OR2C1: variants seen among roughly 807,000 people sequenced by gnomAD.
OR2C1 encodes the protein olfactory receptor family 2 subfamily C member 1, also known as olfactory receptor 2C1.
For synonymous variants in OR2C1, 209 were observed against 167.3 expected (o/e 1.25, Z -1.92); for missense variants, 468 against 388.3 (o/e 1.21, Z -1.73).
At chr16:3,337,874 T>C in the OR2C1 span, among the ~76,000 whole-genome samples, 2 of 152,196 alleles carry the variant, frequency 1.3e-5, no homozygotes, top group Non-Finnish European at 2.9e-5. Flanking sequence ...CTGGCTTGCT[T>C]TGATTTTCAT....
At chr16:3,332,245 T>A in the OR2C1 span, among the ~76,000 whole-genome samples, 3 of 151,612 alleles carry the variant, frequency 2.0e-5, no homozygotes, top group Non-Finnish European at 2.9e-5. Context: ...ATTAAAAAAA[T>A]AAATAAATAA....
In OR2C1 at chr16:3,357,159, GTCT is replaced by G; in HGVS notation, c.*281_*283del. 1 of 358,402 alleles carries G rather than the reference GTCT, an allele frequency of 2.8e-6. No homozygotes were observed. Among genetic ancestry groups the G allele is most frequent in the East Asian group, 5.2e-5 (1 of 19,110 alleles). 22.2% of individuals were successfully genotyped at this position (358,402 alleles called of 1,614,324 possible). On this transcript the variant is annotated 3_prime_UTR_variant, in exon 1 of 1. Coordinates refer to ENST00000304936, the MANE Select transcript of OR2C1 (RefSeq NM_012368.3). ...TGACCTGTGACAGACCTGTCTCACT[GTCT>G]CTGTCTCTGTTGCCCACATGTTATT...
At chr16:3,352,068 G>A (rs906776579), upstream of OR2C1, among the ~76,000 whole-genome samples, 4 of 151,916 alleles carry the variant, frequency 2.6e-5, no homozygotes, top group African/African-American at 9.7e-5. Context: ...TCCCTTCCGA[G>A]TGGCCTAGAT....
the OR2C1 span, among the ~76,000 whole-genome samples, chr16:3,328,296 A>G: frequency 3.3e-5 from 5 of 152,214 alleles, no homozygotes; most frequent in Non-Finnish European, 5.9e-5. Context: ...TGCAACCAGA[A>G]TTCCTCGTGC....
chr16:3,343,479 C>T, the OR2C1 span, among the ~76,000 whole-genome samples: 3 of 152,176 alleles, frequency 2.0e-5, no homozygotes, highest in Admixed American at 1.3e-4. Flanking sequence ...TGGCCGGGCG[C>T]GGTGGCTCAC....
chr16:3,333,308 G>T, the OR2C1 span, among the ~76,000 whole-genome samples: 2 of 131,126 alleles, frequency 1.5e-5, no homozygotes, highest in African/African-American at 5.6e-5. Context: ...CAGAGGGAGA[G>T]TTTACAAATA....
upstream of OR2C1, among the ~76,000 whole-genome samples, chr16:3,351,864 T>C (rs546971331): frequency 1.6e-4 from 24 of 151,554 alleles, no homozygotes; most frequent in Admixed American, 1.4e-3. Flanking sequence ...TGTACTTATT[T>C]GATGTATTGC....
At chr16:3,323,549 T>TG in the OR2C1 span, 2 of 753,864 alleles carry the variant, frequency 2.7e-6, no homozygotes, top group Non-Finnish European at 4.8e-6. Flanking sequence ...TTTTAGGTTC[T>TG]GGGGGGTGAC....
chr16:3,332,601 T>A, the OR2C1 span, among the ~76,000 whole-genome samples: 1 of 152,132 alleles, frequency 6.6e-6, no homozygotes, highest in African/African-American at 2.4e-5. Flanking sequence ...AAACGTGTGA[T>A]ATTTGTGTTT....
At chr16:3,336,707 TC>T in the OR2C1 span, among the ~76,000 whole-genome samples, 311 of 66,642 alleles carry the variant, frequency 4.7e-3, 5 homozygotes, top group African/African-American at 0.015. Context: ...TTTCTTTCTT[TC>T]TTTCTTTTTT....
chr16:3,345,457 G>C, the OR2C1 span, among the ~76,000 whole-genome samples: 5 of 150,328 alleles, frequency 3.3e-5, no homozygotes, highest in Non-Finnish European at 5.9e-5. Flanking sequence ...CTGCACTCCA[G>C]CCTGGGTGAC....
At chr16:3,330,175 C>T in the OR2C1 span, among the ~76,000 whole-genome samples, 51 of 150,484 alleles carry the variant, frequency 3.4e-4, no homozygotes, top group Non-Finnish European at 7.1e-4. Context: ...GGTGAGATCT[C>T]GGCCCACTGC....
chr16:3,345,479 C>A, the OR2C1 span, among the ~76,000 whole-genome samples: 1 of 80,364 alleles, frequency 1.2e-5, no homozygotes, highest in Non-Finnish European at 2.4e-5. Flanking sequence ...GAGTGAGACT[C>A]TGTCTCAAAA....
chr16:3,345,309 C>A, the OR2C1 span, among the ~76,000 whole-genome samples: 24 of 151,906 alleles, frequency 1.6e-4, no homozygotes, highest in African/African-American at 5.6e-4. Context: ...ATGGTGAAAC[C>A]CCGTCTCTAC....
chr16:3,347,837 T>A, the OR2C1 span, among the ~76,000 whole-genome samples: 1 of 51,418 alleles, frequency 1.9e-5, no homozygotes, highest in African/African-American at 4.0e-5. Context: ...TGCACACACA[T>A]ACACACATGC....
chr16:3,348,763 T>C, the OR2C1 span, among the ~76,000 whole-genome samples: 1 of 152,192 alleles, frequency 6.6e-6, no homozygotes, highest in African/African-American at 2.4e-5. Context: ...CTGTGACATC[T>C]AACGGCCTAA....
At chr16:3,330,807 T>A in the OR2C1 span, among the ~76,000 whole-genome samples, 1 of 152,228 alleles carries the variant, frequency 6.6e-6, no homozygotes, top group African/African-American at 2.4e-5. Context: ...AGTGGCACAG[T>A]CACAGCTCAC....
the OR2C1 span, chr16:3,322,990 C>T: frequency 1.1e-6 from 1 of 939,038 alleles, no homozygotes; most frequent in African/African-American, 1.8e-5. Context: ...GGAATTTTTC[C>T]TTGGAACTGG....
At position 3,355,897 on chromosome 16, in the gene OR2C1, G is replaced by C; in HGVS notation, c.-44G>C. 7.0e-7 allele frequency: 1 copy of C among 1,430,974 alleles called. No individual in the cohort carries two copies. The highest frequency in any genetic ancestry group is 9.6e-7 in the Non-Finnish European group (1 of 1,043,290). 88.6% of individuals were successfully genotyped at this position (1,430,974 alleles called of 1,614,324 possible). A position where few individuals can be genotyped will look rare whatever the true frequency, so the allele number is the denominator to read the frequency against. ...CTTTTTCTTGACTTTTCTTCCAGCAGCTTGCGCTAAATGAATTCATCAAGT... is the reference window on the plus strand; with the variant it reads ...CTTTTTCTTGACTTTTCTTCCAGCACCTTGCGCTAAATGAATTCATCAAGT... On this transcript the variant is annotated 5_prime_UTR_variant, in exon 1 of 1. Transcript: ENST00000304936.
Sources: allele counts gnomAD v4.1 joint callset (sites outside exome capture counted in the v4.1 genomes callset), GRCh38; gene constraint gnomAD v4.1.1; transcripts MANE v1.5; gene names NCBI Gene and HGNC (gene_info 2026-07-23, HGNC 2026-07-21).